The following ARID2 variants were observed in gnomAD, a reference collection of about 807,000 sequenced individuals.
The protein encoded by ARID2 is AT-rich interactive domain-containing protein 2.
ARID2 carries 32 observed loss-of-function variants against 184.6 expected under a neutral mutation model. That is an observed-to-expected ratio of 0.17 (90% CI 0.13 to 0.23). ARID2 has a LOEUF of 0.23. Ranked by LOEUF, ARID2 falls within the 10% of genes least tolerant of loss-of-function variation. ARID2 has a pLI of 1.00. For missense variants in ARID2, 1,696 were observed against 2,197.6 expected (o/e 0.77, Z 4.56); for synonymous variants, 836 against 772.6 (o/e 1.08, Z -1.36).
intron 3 of ARID2, among the ~76,000 whole-genome samples, chr12:45,758,687 C>T (rs1941616857): frequency 6.6e-6 from 1 of 152,198 alleles, no homozygotes; most frequent in African/African-American, 2.4e-5. Flanking sequence ...TTCCTATCCT[C>T]CTCCTTAATG....
intron 3 of ARID2, among the ~76,000 whole-genome samples, chr12:45,794,986 ACT>A (rs1377936032): frequency 6.8e-6 from 1 of 148,136 alleles, no homozygotes; most frequent in African/African-American, 2.5e-5. Flanking sequence ...TTTCCATTTC[ACT>A]CTAAAACATA....
chr12:45,849,702 A>C lies in ARID2; in HGVS notation c.1838A>C (p.Gln613Pro). The change falls in exon 14 of 21, where the codon CAG becomes CCG. Residue 613 changes from glutamine to proline, a missense_variant. By Grantham distance (76) the Gln-to-Pro change is moderately conservative. Coordinates refer to ENST00000334344, the MANE Select transcript of ARID2 (RefSeq NM_152641.4). Reference protein sequence around the residue: ...AIPLPIQMYYQQQPVSTSVVR... With the variant: ...AIPLPIQMYYPQQPVSTSVVR... ...CCACTTCCCATTCAGATGTACTATC[A>C]GCAGCAACCAGTTTCTACTTCTGTT... 1 of 1,613,930 alleles carries C rather than the reference A, an allele frequency of 6.2e-7. No homozygotes were observed. The highest frequency in any genetic ancestry group is 8.5e-7 in the Non-Finnish European group (1 of 1,179,848).
intron 20 of ARID2, among the ~76,000 whole-genome samples, chr12:45,901,843 T>A (rs1944464287): frequency 6.6e-6 from 1 of 152,028 alleles, no homozygotes; most frequent in South Asian, 2.1e-4. Flanking sequence ...TTTTTAATTT[T>A]CTGTAAGGTG....
intron 3 of ARID2, among the ~76,000 whole-genome samples, chr12:45,790,565 T>C (rs982157552): frequency 6.6e-6 from 1 of 152,212 alleles, no homozygotes; most frequent in Non-Finnish European, 1.5e-5. Flanking sequence ...AATTGTATGT[T>C]CTTATTTTAT....
At chr12:45,898,846 G>A (rs907316293) in intron 20 of ARID2, among the ~76,000 whole-genome samples, 1 of 151,950 alleles carries the variant, frequency 6.6e-6, no homozygotes, top group Non-Finnish European at 1.5e-5. Flanking sequence ...CCCAGGAGGC[G>A]GATGTTGCAG....
At chr12:45,766,791 G>T (rs1359812267) in intron 3 of ARID2, among the ~76,000 whole-genome samples, 1 of 152,164 alleles carries the variant, frequency 6.6e-6, no homozygotes, top group Admixed American at 6.5e-5. Context: ...TGGGATTACA[G>T]GCGTGAGCCA....
At chr12:45,862,022 G>A (rs768804175) in intron 16 of ARID2, among the ~76,000 whole-genome samples, 1 of 151,860 alleles carries the variant, frequency 6.6e-6, no homozygotes, top group African/African-American at 2.4e-5. Context: ...ATACTTTATT[G>A]TAAACTTCAT....
chr12:45,807,793 A>G (rs1942629214), intron 3 of ARID2, among the ~76,000 whole-genome samples: 1 of 152,200 alleles, frequency 6.6e-6, no homozygotes, highest in Admixed American at 6.5e-5. Flanking sequence ...TTATGTGTCC[A>G]ATACCATCTT....
chr12:45,742,381 G>A (rs1353058311), intron 3 of ARID2, among the ~76,000 whole-genome samples: 1 of 152,164 alleles, frequency 6.6e-6, no homozygotes, highest in Non-Finnish European at 1.5e-5. Context: ...AGAGCAGCGG[G>A]CTATGCCTTA....
intron 16 of ARID2, among the ~76,000 whole-genome samples, chr12:45,870,251 G>A (rs1040864408): frequency 1.3e-5 from 2 of 152,100 alleles, no homozygotes; most frequent in Admixed American, 6.5e-5. Context: ...GCCTCCCAAA[G>A]TGCTGGGATT....
chr12:45,870,035 T>G (rs553522067), intron 16 of ARID2, among the ~76,000 whole-genome samples: 6 of 152,144 alleles, frequency 3.9e-5, no homozygotes, highest in Non-Finnish European at 7.4e-5. Flanking sequence ...ATCCAGGCTG[T>G]AGTGCAGTGG....
intron 3 of ARID2, among the ~76,000 whole-genome samples, chr12:45,779,918 TATTAAG>T (rs1300117447): frequency 1.3e-5 from 2 of 152,070 alleles, no homozygotes; most frequent in South Asian, 2.1e-4. Flanking sequence ...TTTAGTAACT[TATTAAG>T]ATTATGTCAT....
chr12:45,812,760 C>T (rs1942732364), intron 4 of ARID2, among the ~76,000 whole-genome samples: 2 of 152,288 alleles, frequency 1.3e-5, no homozygotes, highest in South Asian at 4.1e-4. Flanking sequence ...AAAGATACTC[C>T]TACATCGAAT....
At chr12:45,864,719 ATCT>A (rs1207154195) in intron 16 of ARID2, among the ~76,000 whole-genome samples, 1 of 152,164 alleles carries the variant, frequency 6.6e-6, no homozygotes, top group Non-Finnish European at 1.5e-5. Context: ...GATATGTAAT[ATCT>A]TCTTGTCTCT....
chr12:45,762,187 A>G (rs925018513), intron 3 of ARID2, among the ~76,000 whole-genome samples: 2 of 152,072 alleles, frequency 1.3e-5, no homozygotes, highest in East Asian at 3.9e-4. Context: ...CCTTTCCCAT[A>G]TTAATGCTTC....
At chr12:45,901,154 A>ATTTTTTTTTTTTTT (rs71067909) in intron 20 of ARID2, among the ~76,000 whole-genome samples, 3 of 44,966 alleles carry the variant, frequency 6.7e-5, no homozygotes, top group Admixed American at 3.1e-4. Context: ...AATTTCCTTA[A>ATTTTTTTTTTTTTT]TTTTTTTTTT....
At chr12:45,903,222 AT>A (rs1393702096) in intron 20 of ARID2, among the ~76,000 whole-genome samples, 1 of 151,988 alleles carries the variant, frequency 6.6e-6, no homozygotes, top group African/African-American at 2.4e-5. Flanking sequence ...ATATTATTGT[AT>A]TTTTTTCTCT....
intron 3 of ARID2, among the ~76,000 whole-genome samples, chr12:45,794,056 G>C (rs1159990951): frequency 6.6e-6 from 1 of 152,084 alleles, no homozygotes; most frequent in African/African-American, 2.4e-5. Flanking sequence ...TTTTATGGAA[G>C]TCCCCCTTCG....
chr12:45,825,722 G>C (rs1239457309), intron 6 of ARID2, among the ~76,000 whole-genome samples: 1 of 151,990 alleles, frequency 6.6e-6, no homozygotes, highest in Admixed American at 6.6e-5. Context: ...TAATTAGTTG[G>C]GCATCGTGGT....
Sources: gnomAD v4.1 joint callset for allele counts (sites outside exome capture counted in the v4.1 genomes callset) on GRCh38, gnomAD v4.1.1 for gene constraint, MANE v1.5 for transcripts, NCBI Gene and HGNC (gene_info 2026-07-23, HGNC 2026-07-21) for gene names.